TMEM156: variants seen among roughly 807,000 people sequenced by gnomAD.
TMEM156 encodes transmembrane protein 156.
In TMEM156, 28 loss-of-function variants were observed where a neutral mutation model predicts 30.5. The ratio of observed to expected loss-of-function variants is 0.92; its 90% confidence interval spans 0.68 to 1.26. TMEM156 has a LOEUF of 1.26. TMEM156 is among the 50% of genes most tolerant of loss of function. TMEM156 has a pLI of 0.00. For missense variants in TMEM156, 351 were observed against 340.6 expected (o/e 1.03, Z -0.24); for synonymous variants, 137 against 119.9 (o/e 1.14, Z -0.93).
intron 1 of TMEM156, among the ~76,000 whole-genome samples, chr4:39,002,933 A>C (rs1001049985): frequency 2.6e-5 from 4 of 152,112 alleles, no homozygotes; most frequent in Non-Finnish European, 4.4e-5. Context: ...ACCTAATGCT[A>C]GATGACGAGT....
rs1203755360 is a variant in TMEM156, at chr4:39,032,361, A to G, written c.-48T>C. 1 of 1,188,646 alleles carries G rather than the reference A, an allele frequency of 8.4e-7. No homozygotes were observed. The highest frequency in any genetic ancestry group is 2.4e-5 in the East Asian group (1 of 41,266). 73.6% of individuals were successfully genotyped at this position (1,188,646 alleles called of 1,614,324 possible). On this transcript the variant is annotated 5_prime_UTR_variant, in exon 1 of 7. Transcript: ENST00000381938. ...TGTTCCCTTGCAGTACATTCATGGTATGTTGCTTCCTGCTTTAAGTTTATC... is the reference window on the plus strand; with the variant it reads ...TGTTCCCTTGCAGTACATTCATGGTGTGTTGCTTCCTGCTTTAAGTTTATC...
Position 38,971,112 on chromosome 4 carries a change from C to G in TMEM156, c.849G>C (p.Leu283Phe), listed in dbSNP as rs751968481. The change falls in exon 6 of 7, where the codon TTG becomes TTC. Residue 283 changes from leucine to phenylalanine, a missense_variant. Transcript: ENST00000381938. Reference sequence around the variant, plus strand: ...GGGGAAGCACTTCCTGGACTTGATCCAAAGGCAGCCTCTGCGTGGTCTCTG... The same window carrying G: ...GGGGAAGCACTTCCTGGACTTGATCGAAAGGCAGCCTCTGCGTGGTCTCTG... Reference protein sequence around the residue: ...LSAETTQRLPLDQVQEVLPPI... With the variant: ...LSAETTQRLPFDQVQEVLPPI... 5.0e-6 allele frequency: 8 copies of G among 1,613,864 alleles called. No individual in the cohort carries two copies. In the East Asian group the frequency reaches 1.8e-4, roughly 36 times the overall value.
At chr4:38,984,565 T>A (rs1311490019) in intron 5 of TMEM156, among the ~76,000 whole-genome samples, 1 of 152,054 alleles carries the variant, frequency 6.6e-6, no homozygotes, top group Non-Finnish European at 1.5e-5. Context: ...ATTTTTCCCG[T>A]ACATTCTCAC....
chr4:39,000,811 T>A (rs1713288952), intron 1 of TMEM156, among the ~76,000 whole-genome samples: 1 of 151,490 alleles, frequency 6.6e-6, no homozygotes, highest in South Asian at 2.1e-4. Context: ...TGCTTGAACC[T>A]GGGAGGTGGA....
At chr4:39,005,058 G>A (rs963028424) in intron 1 of TMEM156, among the ~76,000 whole-genome samples, 1 of 152,094 alleles carries the variant, frequency 6.6e-6, no homozygotes, top group Non-Finnish European at 1.5e-5. Flanking sequence ...CCACAAAAAG[G>A]AACAAACTAC....
intron 3 of TMEM156, among the ~76,000 whole-genome samples, chr4:38,990,830 G>GTTTTTTTTTTTTGTTT (rs1560365255): frequency 2.5e-5 from 2 of 81,216 alleles, no homozygotes; most frequent in African/African-American, 9.2e-5. Context: ...TTGTTTTCTG[G>GTTTTTTTTTTTTGTTT]TTTTTTTTTT....
At chr4:38,974,231 C>T (rs1265176096) in intron 5 of TMEM156, among the ~76,000 whole-genome samples, 2 of 134,400 alleles carry the variant, frequency 1.5e-5, no homozygotes, top group African/African-American at 5.6e-5. Flanking sequence ...TTTAGACAAG[C>T]TCTTGCACTG....
At chr4:38,980,075 C>T (rs1418843615) in intron 5 of TMEM156, among the ~76,000 whole-genome samples, 1 of 151,842 alleles carries the variant, frequency 6.6e-6, no homozygotes, top group Non-Finnish European at 1.5e-5. Flanking sequence ...GTTCAAAGCT[C>T]CATCTGTTAT....
At chr4:39,009,947 G>A (rs1165982486) in intron 1 of TMEM156, among the ~76,000 whole-genome samples, 3 of 152,124 alleles carry the variant, frequency 2.0e-5, no homozygotes, top group African/African-American at 7.2e-5. Context: ...GAAAAGAGAA[G>A]TCAAGTTATC....
intron 1 of TMEM156, among the ~76,000 whole-genome samples, chr4:39,009,383 C>T (rs115507010): frequency 5.0e-4 from 76 of 152,178 alleles, no homozygotes; most frequent in African/African-American, 1.6e-3. Flanking sequence ...AGGATTCTTC[C>T]CTAATTTATT....
chr4:38,999,583 C>A (rs956750754), intron 1 of TMEM156, among the ~76,000 whole-genome samples: 1 of 152,160 alleles, frequency 6.6e-6, no homozygotes, highest in African/African-American at 2.4e-5. Flanking sequence ...TAACAAATTT[C>A]CACAACCTTG....
chr4:38,974,287 C>T (rs1280643298), intron 5 of TMEM156, among the ~76,000 whole-genome samples: 1 of 151,176 alleles, frequency 6.6e-6, no homozygotes, highest in African/African-American at 2.4e-5. Context: ...TCACTGCAGC[C>T]TCAAACTCCT....
At chr4:39,024,246 G>C (rs1464498603) in intron 1 of TMEM156, among the ~76,000 whole-genome samples, 2 of 152,124 alleles carry the variant, frequency 1.3e-5, no homozygotes, top group Non-Finnish European at 2.9e-5. Context: ...ATGTTGGCAG[G>C]CTGGTCTCTA....
intron 1 of TMEM156, among the ~76,000 whole-genome samples, chr4:39,011,725 A>C (rs889802663): frequency 6.6e-6 from 1 of 152,208 alleles, no homozygotes; most frequent in African/African-American, 2.4e-5. Flanking sequence ...GTGAGCCGAC[A>C]TCACATAATT....
intron 1 of TMEM156, among the ~76,000 whole-genome samples, chr4:39,028,042 G>C (rs1715317549): frequency 6.6e-6 from 1 of 151,890 alleles, no homozygotes; most frequent in African/African-American, 2.4e-5. Flanking sequence ...CACCGCGCCT[G>C]GCCCCAGCTA....
intron 1 of TMEM156, among the ~76,000 whole-genome samples, chr4:39,002,652 A>T (rs1470767039): frequency 1.3e-5 from 2 of 149,542 alleles, no homozygotes; most frequent in Non-Finnish European, 3.0e-5. Flanking sequence ...CAACAATGAT[A>T]GACTGGATTA....
At chr4:38,988,646 T>G (rs979948542) in intron 4 of TMEM156, among the ~76,000 whole-genome samples, 7 of 119,170 alleles carry the variant, frequency 5.9e-5, no homozygotes, top group Non-Finnish European at 1.4e-4. Context: ...TCTTTCTTCT[T>G]CTCTTACTTG....
intron 2 of TMEM156, among the ~76,000 whole-genome samples, chr4:38,997,053 TG>T (rs933945828): frequency 6.6e-6 from 1 of 152,226 alleles, no homozygotes; most frequent in Non-Finnish European, 1.5e-5. Flanking sequence ...CATTGAGTTT[TG>T]GGGGTACTTT....
chr4:39,004,237 C>T (rs996612647), intron 1 of TMEM156, among the ~76,000 whole-genome samples: 4 of 152,094 alleles, frequency 2.6e-5, no homozygotes, highest in African/African-American at 9.7e-5. Context: ...AGACTGCAAC[C>T]TCTCAGAGGA....
Sources: gnomAD v4.1 joint callset for allele counts (sites outside exome capture counted in the v4.1 genomes callset) on GRCh38, gnomAD v4.1.1 for gene constraint, MANE v1.5 for transcripts, NCBI Gene and HGNC (gene_info 2026-07-23, HGNC 2026-07-21) for gene names.